The following LRP6 variants were observed in gnomAD, a reference collection of about 807,000 sequenced individuals.
The protein encoded by LRP6 is low-density lipoprotein receptor-related protein 6.
A neutral mutation model predicts 184.1 loss-of-function variants in LRP6; 43 were observed. The observed-to-expected ratio is 0.23, with a 90% CI of 0.18 to 0.30. The LOEUF is 0.30. LRP6 is among the 10% of genes least tolerant of loss of function. The pLI, the probability that LRP6 is intolerant of heterozygous loss-of-function variation, is 1.00. For synonymous variants in LRP6, 719 were observed against 684.9 expected (o/e 1.05, Z -0.78); for missense variants, 1,571 against 2,005.3 (o/e 0.78, Z 4.14).
At position 12,172,279 on chromosome 12, in the gene LRP6, T is replaced by C. The variant is rs935777908; in HGVS notation, c.1546-6984A>G. 3.9e-5 allele frequency among the ~76,000 whole-genome samples: 6 copies of C among 152,208 alleles called. No homozygotes were observed. The East Asian group carries it at 5.8e-4, about 15-fold the overall frequency. On this transcript the variant is annotated intron_variant, in intron 7 of 22. Coordinates refer to ENST00000261349, the MANE Select transcript of LRP6 (RefSeq NM_002336.3). Reference sequence around the variant, plus strand: ...AATATTCTAAACCACACTGAGAATATAGGCTACAAGAGGAAATAGACGTGG... The same window carrying C: ...AATATTCTAAACCACACTGAGAATACAGGCTACAAGAGGAAATAGACGTGG...
chr12:12,199,156 G>A (rs1004727235), intron 3 of LRP6, among the ~76,000 whole-genome samples: 1 of 151,986 alleles, frequency 6.6e-6, no homozygotes, highest in African/African-American at 2.4e-5. Flanking sequence ...AGCACAAATG[G>A]ATGAGTGTGT....
chr12:12,249,139 T>A lies in LRP6; in HGVS notation c.56-4484A>T, dbSNP rs996328206. On this transcript the variant is annotated intron_variant, in intron 1 of 22. Transcript: ENST00000261349. ...GTGACACTTACAAGACGTACAGGGA[T>A]GATAATTGGGCCTGCAAGAACAATT... is the stretch of plus-strand genomic sequence containing the variant. The A allele has an allele frequency of 8.5e-6, 6 of 708,716 alleles. 1 individual carries two copies. The highest frequency in any genetic ancestry group is 1.5e-5 in the Non-Finnish European group (6 of 391,232). The allele number at this position is 708,716 out of a possible 1,614,324, so 43.9% of individuals were successfully genotyped here. A position where few individuals can be genotyped will look rare whatever the true frequency, so the allele number is the denominator to read the frequency against.
intron 7 of LRP6, among the ~76,000 whole-genome samples, chr12:12,177,137 C>CGCCCG (rs1235482328): frequency 1.3e-5 from 2 of 152,054 alleles, no homozygotes; most frequent in Non-Finnish European, 2.9e-5. Flanking sequence ...TGAGCCACCG[C>CGCCCG]GCCCGGCCAA....
At chr12:12,178,160 A>C (rs1304268750) in intron 7 of LRP6, among the ~76,000 whole-genome samples, 1 of 152,226 alleles carries the variant, frequency 6.6e-6, no homozygotes, top group Non-Finnish European at 1.5e-5. Flanking sequence ...ATTGTTATAT[A>C]AAGTGTATTA....
chr12:12,161,048 G>C (rs1010490574), intron 10 of LRP6, among the ~76,000 whole-genome samples: 4 of 152,212 alleles, frequency 2.6e-5, no homozygotes, highest in Admixed American at 6.5e-5. Context: ...AAGAGCCAAA[G>C]AGAAACAACT....
At chr12:12,122,859 G>A (rs1949623290) in intron 22 of LRP6, among the ~76,000 whole-genome samples, 1 of 151,728 alleles carries the variant, frequency 6.6e-6, no homozygotes, top group African/African-American at 2.4e-5. Context: ...AAATAAAAAG[G>A]GTGCAAGGCT....
intron 7 of LRP6, among the ~76,000 whole-genome samples, chr12:12,169,953 C>T (rs946400496): frequency 1.3e-5 from 2 of 150,576 alleles, no homozygotes; most frequent in East Asian, 1.9e-4. Flanking sequence ...GGATCTAAAA[C>T]AGCACTGTCC....
chr12:12,228,039 C>T (rs572461136), intron 2 of LRP6, among the ~76,000 whole-genome samples: 4 of 152,174 alleles, frequency 2.6e-5, no homozygotes, highest in African/African-American at 9.6e-5. Context: ...CACATTTCCC[C>T]GAGAGTAGCT....
chr12:12,230,386 C>T (rs1402709925), intron 2 of LRP6, among the ~76,000 whole-genome samples: 1 of 152,048 alleles, frequency 6.6e-6, no homozygotes, highest in Non-Finnish European at 1.5e-5. Flanking sequence ...AATCTGAATT[C>T]GGCTTCCCAT....
Position 12,126,824 on chromosome 12 carries a change from G to A in LRP6, c.4179C>T (p.Ile1393=). ...TIFVSGTVYF[I]CQRMLCPRMK... is the part of the protein sequence containing the mutation. ...TACGTGGACACAACATCCTCTGGCA[G>A]ATAAAGTATACAGTTCCAGACACAA... Residue 1393 remains isoleucine, a synonymous_variant, in exon 20 of 23, where the codon ATC becomes ATT. Coordinates refer to ENST00000261349, the MANE Select transcript of LRP6 (RefSeq NM_002336.3). The A allele has an allele frequency of 6.2e-7, 1 of 1,614,138 alleles. No individual in the cohort carries two copies. The highest frequency in any genetic ancestry group is 8.5e-7 in the Non-Finnish European group (1 of 1,179,968).
intron 3 of LRP6, among the ~76,000 whole-genome samples, chr12:12,189,619 A>C (rs1863561097): frequency 6.6e-6 from 1 of 152,062 alleles, no homozygotes; most frequent in Non-Finnish European, 1.5e-5. Context: ...CTCCTGCCTC[A>C]GCCTCCCAAG....
At chr12:12,229,721 CAG>C (rs1234432608) in intron 2 of LRP6, among the ~76,000 whole-genome samples, 6 of 152,166 alleles carry the variant, frequency 3.9e-5, no homozygotes, top group South Asian at 2.1e-4. Flanking sequence ...CTTTGGGAAA[CAG>C]AAAGTGTGTG....
intron 20 of LRP6, among the ~76,000 whole-genome samples, 153 bp downstream of exon 20, chr12:12,126,538 C>T (rs1027480599): frequency 2.0e-5 from 3 of 152,190 alleles, no homozygotes; most frequent in African/African-American, 4.8e-5. Context: ...AGAGAAGGTG[C>T]TAATAGTAAA....
chr12:12,164,597 C>G (rs1862823859), intron 8 of LRP6, 35 bp from the exon 9 acceptor site: 1 of 1,594,190 alleles, frequency 6.3e-7, no homozygotes, highest in Admixed American at 1.7e-5. Context: ...CACAGAAGGA[C>G]ACACACATTG....
chr12:12,169,945 A>G lies in LRP6; in HGVS notation c.1546-4650T>C, dbSNP rs1200984034. Among the ~76,000 whole-genome samples the G allele has an allele frequency of 2.0e-5, 3 of 152,184 alleles. No homozygotes were observed. In the East Asian group the frequency reaches 5.8e-4, roughly 29 times the overall value. On this transcript the variant is annotated intron_variant, in intron 7 of 22. Coordinates refer to ENST00000261349, the MANE Select transcript of LRP6 (RefSeq NM_002336.3). ...GGTGTAGTTTTTACAATAGGTTTGGATCTAAAACAGCACTGTCCAGGAGAA... is the reference window on the plus strand; with the variant it reads ...GGTGTAGTTTTTACAATAGGTTTGGGTCTAAAACAGCACTGTCCAGGAGAA...
intron 7 of LRP6, among the ~76,000 whole-genome samples, chr12:12,174,654 A>T (rs1863126064): frequency 2.0e-5 from 3 of 152,240 alleles, no homozygotes. Context: ...TCCTTTAAAA[A>T]AGAAGTTTGA....
intron 2 of LRP6, among the ~76,000 whole-genome samples, chr12:12,231,623 G>T (rs192475504): frequency 6.6e-6 from 1 of 152,052 alleles, no homozygotes; most frequent in East Asian, 1.9e-4. Flanking sequence ...CTCAAACTAA[G>T]CCGGGCACAG....
rs140253930 is a variant in LRP6 at position 12,128,309 on chromosome 12, C to G, written c.4082-1388G>C. On this transcript the variant is annotated intron_variant, in intron 19 of 22. Transcript: ENST00000261349. ...TTTCTGATTATTCTTTCTCTGCTTC[C>G]TTTGTTGGCTTCATTCTCTTCTGCC... Among the ~76,000 whole-genome samples the G allele has an allele frequency of 2.4e-3, 373 of 152,294 alleles. 3 individuals carry two copies. Among genetic ancestry groups the G allele is most frequent in the Non-Finnish European group, 4.0e-3 (272 of 68,012 alleles).
intron 17 of LRP6, among the ~76,000 whole-genome samples, chr12:12,134,713 G>A (rs1201730014): frequency 1.3e-5 from 2 of 152,124 alleles, no homozygotes; most frequent in African/African-American, 4.8e-5. Context: ...GATTACAGGA[G>A]GTAGAATTAA....
Sources: gnomAD v4.1 joint callset for allele counts (sites outside exome capture counted in the v4.1 genomes callset) on GRCh38, gnomAD v4.1.1 for gene constraint, MANE v1.5 for transcripts, NCBI Gene and HGNC (gene_info 2026-07-23, HGNC 2026-07-21) for gene names.